Variants in HTR3E observed in about 807,000 individuals in gnomAD.
HTR3E encodes 5-hydroxytryptamine (serotonin) receptor 3, family member E.
Under a neutral mutation model 38.0 loss-of-function variants are expected in HTR3E, and 38 were observed. That is an observed-to-expected ratio of 1.00 (90% CI 0.77 to 1.31). HTR3E has a LOEUF of 1.31. HTR3E is among the 50% of genes most tolerant of loss of function. The probability of loss-of-function intolerance (pLI) is 0.00; values close to 1 mark genes in which losing one functional copy is unlikely to be tolerated. For missense variants in HTR3E, 547 were observed against 585.2 expected, an observed-to-expected ratio of 0.93 and a Z score of 0.67; for synonymous variants, 210 against 232.9, an observed-to-expected ratio of 0.90 and a Z score of 0.89.
chr3:184,101,335 GC>G, intron 2 of HTR3E, 149 bp from the exon 3 acceptor site: 2 of 741,780 alleles, frequency 2.7e-6, no homozygotes, highest in Non-Finnish European at 4.9e-6. Flanking sequence ...CCTGTCCGTA[GC>G]CTAACACATG....
Position 184,106,334 on chromosome 3 carries a change from C to T in HTR3E, c.1132C>T (p.His378Tyr), listed in dbSNP as rs1219609106. 4 of 1,610,632 alleles carry T rather than the reference C, an allele frequency of 2.5e-6. No individual in the cohort carries two copies. Among genetic ancestry groups the T allele is most frequent in the Middle Eastern group, 1.7e-4 (1 of 5,982 alleles). ...ENKGPGLTPT[H>Y]LPGVKEPEVS... The stretch of plus-strand genomic sequence containing the variant: ...TAAGGGCCCGGGTCTCACCCCCACC[C>T]ACCTGCCCGGTGAGGGAAGTCACAT... The change falls in exon 8 of 9, where the codon CAC (histidine) becomes TAC (tyrosine). Residue 378 changes from histidine (H) to tyrosine (Y), a missense_variant. By Grantham distance (83) the His-to-Tyr change is moderately conservative. Transcript: ENST00000415389. The surrounding 1 kb of genome is among the most constrained non-coding windows in gnomAD (Gnocchi z 4.1).
intron 1 of HTR3E, among the ~76,000 whole-genome samples, chr3:184,099,399 C>T (rs1711846157): frequency 6.6e-6 from 1 of 151,640 alleles, no homozygotes; most frequent in African/African-American, 2.4e-5. Context: ...CAAAAAACCC[C>T]CAAAAACCCC....
chr3:184,105,258 C>T lies in HTR3E; in HGVS notation c.560-9C>T, dbSNP rs533961237. On this transcript the variant is annotated splice_polypyrimidine_tract_variant and intron_variant, in intron 5 of 8. Coordinates refer to ENST00000415389, the MANE Select transcript of HTR3E (RefSeq NM_001256613.2). ...CTTGAAAAATGATTCAGATGGTTCT[C>T]ATTTTCAGTGGACAGCATGTTGCTG... 13 of 1,600,120 alleles carry T rather than the reference C, an allele frequency of 8.1e-6. No individual in the cohort carries two copies. The South Asian group carries it at 1.5e-4, about 18-fold the overall frequency.
intron 3 of HTR3E, among the ~76,000 whole-genome samples, chr3:184,102,299 C>T (rs1553802281): frequency 6.6e-6 from 1 of 151,620 alleles, no homozygotes; most frequent in Non-Finnish European, 1.5e-5. Flanking sequence ...CTCGTCTCTA[C>T]AAAAAAATAC....
chr3:184,100,695 T>C (rs771686011), intron 2 of HTR3E, 44 bp downstream of exon 2: 4 of 1,585,326 alleles, frequency 2.5e-6, no homozygotes, highest in Non-Finnish European at 2.6e-6. Flanking sequence ...CCTTAACCTT[T>C]TTCCAGCCCC....
rs761356437 is a variant in HTR3E at position 184,100,453 on chromosome 3, C to T, written c.68-32C>T. On this transcript the variant is annotated intron_variant, in intron 1 of 8. Transcript: ENST00000415389. ...CATATAGGGAGCACAGGGTTGCTCTCCTTCATCTCACACATTCGATGTCCA... is the reference window on the plus strand; with the variant it reads ...CATATAGGGAGCACAGGGTTGCTCTTCTTCATCTCACACATTCGATGTCCA... 3 of 1,614,208 alleles carry T rather than the reference C, an allele frequency of 1.9e-6. No homozygotes were observed. In the South Asian group the frequency reaches 3.3e-5, roughly 18 times the overall value.
At chr3:184,101,369 T>G in intron 2 of HTR3E, 116 bp from the exon 3 acceptor site, 3 of 885,666 alleles carry the variant, frequency 3.4e-6, no homozygotes, top group Non-Finnish European at 5.8e-6. Flanking sequence ...GCTTTTGTTC[T>G]GGATCACATA....
At position 184,097,711 on chromosome 3, in the gene HTR3E, G is replaced by A. The variant is rs1376080118; in HGVS notation, c.67+115G>A. On this transcript the variant is annotated intron_variant, in intron 1 of 8. Transcript: ENST00000415389. Reference sequence around the variant, plus strand: ...CTAGAGATTGTCTAAGATGGATAGAGTTCTTTCATAGCTACATTACTAAGA... The same window carrying A: ...CTAGAGATTGTCTAAGATGGATAGAATTCTTTCATAGCTACATTACTAAGA... The A allele has an allele frequency of 5.5e-6, 4 of 726,642 alleles. No individual in the cohort carries two copies. The East Asian group carries it at 1.1e-4, about 20-fold the overall frequency. 45.0% of individuals were successfully genotyped at this position (726,642 alleles called of 1,614,324 possible).
Position 184,106,748 on chromosome 3 carries a change from G to T in HTR3E, c.*55G>T. 1.3e-6 allele frequency: 2 copies of T among 1,573,882 alleles called. No individual in the cohort carries two copies. Among genetic ancestry groups the T allele is most frequent in the Non-Finnish European group, 1.7e-6 (2 of 1,149,628 alleles). On this transcript the variant is annotated 3_prime_UTR_variant, in exon 9 of 9. Coordinates refer to ENST00000415389, the MANE Select transcript of HTR3E (RefSeq NM_001256613.2). This position sits in a 1 kb window ranked among gnomAD's most constrained non-coding sequence, Gnocchi z 4.1. ...GAGCTTCTCTTGCCTCCAGGGACTG[G>T]CCAGGTCTCCCCCCTTTCCTGAGTA... is the stretch of plus-strand genomic sequence containing the variant.
chr3:184,100,102 C>T, intron 1 of HTR3E: 2 of 1,264,744 alleles, frequency 1.6e-6, no homozygotes, highest in Non-Finnish European at 2.0e-6. Context: ...CTGGACCCCT[C>T]TCGGTGATCC....
chr3:184,106,555 G>C lies in HTR3E; in HGVS notation c.1233G>C (p.Arg411=). 1 of 1,614,108 alleles carries C rather than the reference G, an allele frequency of 6.2e-7. No homozygotes were observed. The highest frequency in any genetic ancestry group is 8.5e-7 in the Non-Finnish European group (1 of 1,179,978). The change falls in exon 9 of 9, where the codon CGG becomes CGC. Residue 411 remains arginine (R), a synonymous_variant. Coordinates refer to ENST00000415389, the MANE Select transcript of HTR3E (RefSeq NM_001256613.2). This position sits in a 1 kb window ranked among gnomAD's most constrained non-coding sequence, Gnocchi z 4.1. ...GCTCAGAATGGACAAGGGCCCAGCGGGAACACGAGGCCCAGAAGCAGCACT... is the reference window on the plus strand; with the variant it reads ...GCTCAGAATGGACAAGGGCCCAGCGCGAACACGAGGCCCAGAAGCAGCACT... ...TGGSEWTRAQ[R]EHEAQKQHSV...
Position 184,097,612 on chromosome 3 carries a change from T to TGATGGGGGAAGGCGGAA in HTR3E, c.67+19_67+35dup, listed in dbSNP as rs1205476124. ...CTGCTTCAAGGTAAGAAAGGAGCAA[T>TGATGGGGGAAGGCGGAA]GATGGGGGAAGGCGGAAGAAGGAGG... is the stretch of plus-strand genomic sequence containing the variant. On this transcript the variant is annotated intron_variant, in intron 1 of 8. Coordinates refer to ENST00000415389, the MANE Select transcript of HTR3E (RefSeq NM_001256613.2). The TGATGGGGGAAGGCGGAA allele has an allele frequency of 1.3e-6, 2 of 1,529,762 alleles. No homozygotes were observed. The highest frequency in any genetic ancestry group is 1.8e-6 in the Non-Finnish European group (2 of 1,141,308). 94.8% of individuals were successfully genotyped at this position (1,529,762 alleles called of 1,614,324 possible).
chr3:184,100,709 C>A, intron 2 of HTR3E, 58 bp downstream of exon 2: 1 of 1,571,528 alleles, frequency 6.4e-7, no homozygotes, highest in South Asian at 1.2e-5. Flanking sequence ...CAGCCCCTGG[C>A]AAAGTGGCCC....
At chr3:184,099,092 A>G (rs1206408451) in intron 1 of HTR3E, among the ~76,000 whole-genome samples, 1 of 151,852 alleles carries the variant, frequency 6.6e-6, no homozygotes, top group Non-Finnish European at 1.5e-5. Flanking sequence ...TCCCACCCAC[A>G]CTTCTAAAAA....
Position 184,097,454 on chromosome 3 carries a change from G to A in HTR3E, c.-76G>A, listed in dbSNP as rs947081858. ...TATTAGTATTCAAAGTCAGACTCTA[G>A]GTGTGGCCTGTGCTGCTTTAATCTG... is the stretch of plus-strand genomic sequence containing the variant. On this transcript the variant is annotated 5_prime_UTR_variant, in exon 1 of 9. The change abolishes the stop of an existing upstream ORF in the 5' untranslated region. Coordinates refer to ENST00000415389, the MANE Select transcript of HTR3E (RefSeq NM_001256613.2). The A allele has an allele frequency of 2.0e-6, 2 of 1,003,326 alleles. No homozygotes were observed. Among genetic ancestry groups the A allele is most frequent in the Non-Finnish European group, 3.0e-6 (2 of 665,260 alleles). 62.2% of individuals were successfully genotyped at this position (1,003,326 alleles called of 1,614,324 possible).
intron 1 of HTR3E, among the ~76,000 whole-genome samples, 196 bp downstream of exon 1, chr3:184,097,792 C>T (rs989085666): frequency 6.6e-6 from 1 of 152,164 alleles, no homozygotes; most frequent in African/African-American, 2.4e-5. Flanking sequence ...CAGTTACATG[C>T]CAAACAAGAG....
rs529922151 is a variant in HTR3E, at chr3:184,102,849, A to G, written c.279+1320A>G. The stretch of plus-strand genomic sequence containing the variant: ...CTGAGGCACAAGAATCGCTTGAGCC[A>G]GGGAGACAGAGGTTGCAGTTGGCCG... On this transcript the variant is annotated intron_variant, in intron 3 of 8. Transcript: ENST00000415389. Among the ~76,000 whole-genome samples the G allele has an allele frequency of 1.8e-4, 27 of 151,502 alleles. No homozygotes were observed. In the East Asian group the frequency reaches 4.9e-3, roughly 27 times the overall value.
intron 3 of HTR3E, among the ~76,000 whole-genome samples, chr3:184,101,858 C>A (rs538512242): frequency 6.6e-6 from 1 of 152,114 alleles, no homozygotes; most frequent in Non-Finnish European, 1.5e-5. Context: ...GGCATGGTGG[C>A]GGGCGCCTGT....
At chr3:184,102,958 G>A (rs1712150305) in intron 3 of HTR3E, among the ~76,000 whole-genome samples, 1 of 151,848 alleles carries the variant, frequency 6.6e-6, no homozygotes, top group South Asian at 2.1e-4. Context: ...CTTGTTTCTT[G>A]GGAATTTAAA....
Sources: gnomAD v4.1 joint callset for allele counts (sites outside exome capture counted in the v4.1 genomes callset) on GRCh38, gnomAD v4.1.1 for gene constraint, Gnocchi (gnomAD v3.1) non-coding constraint, MANE v1.5 for transcripts, NCBI Gene and HGNC (gene_info 2026-07-23, HGNC 2026-07-21) for gene names.